CELF4: variants seen among roughly 807,000 people sequenced by gnomAD.
CELF4 encodes CUGBP Elav-like family member 4.
Under a neutral mutation model 59.9 loss-of-function variants are expected in CELF4, and 18 were observed. The observed-to-expected ratio is 0.30, with a 90% confidence interval of 0.21 to 0.45. The LOEUF is 0.45. Ranked by LOEUF, CELF4 falls within the 20% of genes least tolerant of loss-of-function variation. CELF4 has a pLI of 1.00. For missense variants in CELF4, 456 were observed against 689.0 expected (o/e 0.66, Z 3.79); for synonymous variants, 261 against 267.1 (o/e 0.98, Z 0.22).
At chr18:37,299,509 C>T (rs76762308) in intron 3 of CELF4, among the ~76,000 whole-genome samples, 2,784 of 152,052 alleles carry the variant, frequency 0.018, 92 homozygotes, top group African/African-American at 0.064. Flanking sequence ...CTCAGAATGT[C>T]GGGCTCACAG....
chr18:37,321,639 C>T (rs1380941158), intron 3 of CELF4, among the ~76,000 whole-genome samples, 164 bp downstream of exon 3: 3 of 152,204 alleles, frequency 2.0e-5, no homozygotes, highest in Non-Finnish European at 4.4e-5. Context: ...TCTCTCCACA[C>T]CAGTCACCCA....
intron 2 of CELF4, among the ~76,000 whole-genome samples, chr18:37,451,687 C>T (rs2099764523): frequency 6.6e-6 from 1 of 152,136 alleles, no homozygotes; most frequent in African/African-American, 2.4e-5. Flanking sequence ...TCCGGGAGGG[C>T]AGTCGTACTT....
At chr18:37,552,436 T>C (rs544249711) in intron 1 of CELF4, among the ~76,000 whole-genome samples, 1 of 152,270 alleles carries the variant, frequency 6.6e-6, no homozygotes, top group Non-Finnish European at 1.5e-5. Context: ...AGGGTGAGTG[T>C]CGAGAGGGGT....
chr18:37,549,329 G>T (rs2099982420), intron 1 of CELF4, among the ~76,000 whole-genome samples: 1 of 152,306 alleles, frequency 6.6e-6, no homozygotes, highest in East Asian at 1.9e-4. Context: ...CTTGGAAGGG[G>T]TGCACTCACT....
intron 2 of CELF4, among the ~76,000 whole-genome samples, chr18:37,349,579 T>C (rs1401351885): frequency 6.6e-6 from 1 of 152,182 alleles, no homozygotes. Flanking sequence ...TTATTGTGCA[T>C]GAAGGACAGG....
At chr18:37,400,004 T>C (rs1363959891) in intron 2 of CELF4, among the ~76,000 whole-genome samples, 1 of 152,222 alleles carries the variant, frequency 6.6e-6, no homozygotes, top group East Asian at 1.9e-4. Context: ...GTTGGTTTTA[T>C]GTATTACCTT....
rs541730497 is a variant in CELF4, at chr18:37,268,856, T to C, written c.1099+1912A>G. ...CCGCATTTAAAGATGGTAAATTAAT[T>C]TTTTTAATGTACTACTTTTTTCCTT... On this transcript the variant is annotated intron_variant, in intron 8 of 12. Transcript: ENST00000420428. Among the ~76,000 whole-genome samples, 7 of 152,358 alleles carry C rather than the reference T, an allele frequency of 4.6e-5. No homozygotes were observed. The South Asian group carries it at 1.0e-3, about 23-fold the overall frequency.
At position 37,565,617 on chromosome 18, in the gene CELF4, C is replaced by G; in HGVS notation, c.25G>C (p.Ala9Pro). The G allele has an allele frequency of 6.2e-7, 1 of 1,603,348 alleles. No homozygotes were observed. The highest frequency in any genetic ancestry group is 8.5e-7 in the Non-Finnish European group (1 of 1,173,654). Residue 9 changes from alanine to proline, a missense_variant, in exon 1 of 13, where the codon GCA becomes CCA. By Grantham distance (27) the Ala-to-Pro change is conservative. Transcript: ENST00000420428. The stretch of plus-strand genomic sequence containing the variant: ...CTTGCGTTGTCAGCCTGTCCGTTTG[C>G]TAACGTGGCCATCTTTATATACATA... MYIKMATL[A>P]NGQADNASLS...
intron 1 of CELF4, among the ~76,000 whole-genome samples, chr18:37,550,498 T>A (rs2099982844): frequency 6.6e-6 from 1 of 152,236 alleles, no homozygotes; most frequent in Non-Finnish European, 1.5e-5. Flanking sequence ...AAGCTGAAAC[T>A]TTCCCAGAGT....
In CELF4 at chr18:37,259,289, G is replaced by A. The variant is rs558199009; in HGVS notation, c.1250-25C>T. 1.2e-5 allele frequency: 11 copies of A among 888,572 alleles called. 1 individual carries two copies. The highest frequency in any genetic ancestry group is 5.3e-5 in the East Asian group (2 of 37,684). The allele number at this position is 888,572 out of a possible 1,614,324, so 55.0% of individuals were successfully genotyped here. ...CCTGCGGTGAGGGGAGGGGGTGGGC[G>A]GGGGAGGAGGGATGGCAGGGTGGGG... On this transcript the variant is annotated intron_variant, in intron 10 of 12. Coordinates refer to ENST00000420428, the MANE Select transcript of CELF4 (RefSeq NM_020180.4).
intron 3 of CELF4, chr18:37,306,322 C>T (rs1247886895): frequency 6.6e-6 from 1 of 152,346 alleles, no homozygotes; most frequent in East Asian, 1.9e-4. Context: ...TGGACTCTGT[C>T]ACTCCCCTCC....
intron 2 of CELF4, among the ~76,000 whole-genome samples, chr18:37,337,076 A>G (rs985440332): frequency 2.6e-5 from 4 of 151,708 alleles, no homozygotes; most frequent in East Asian, 2.0e-4. Flanking sequence ...TCCATGCTAC[A>G]TCCTTTCTGC....
At chr18:37,469,853 A>G (rs1259470032) in intron 2 of CELF4, among the ~76,000 whole-genome samples, 4 of 152,164 alleles carry the variant, frequency 2.6e-5, no homozygotes, top group Non-Finnish European at 5.9e-5. Flanking sequence ...GGCACGGTGC[A>G]GGCTGGAGCA....
intron 3 of CELF4, among the ~76,000 whole-genome samples, chr18:37,321,108 A>G (rs1569561823): frequency 6.6e-6 from 1 of 152,108 alleles, no homozygotes; most frequent in Non-Finnish European, 1.5e-5. Flanking sequence ...ACAGACACAC[A>G]GGCACTGTGC....
intron 2 of CELF4, among the ~76,000 whole-genome samples, chr18:37,394,794 C>A (rs1016313895): frequency 2.6e-4 from 40 of 152,154 alleles, no homozygotes; most frequent in Non-Finnish European, 4.4e-4. Flanking sequence ...CCACTCCCCC[C>A]AGACCAGGGC....
At chr18:37,443,416 T>C (rs2099738715) in intron 2 of CELF4, among the ~76,000 whole-genome samples, 1 of 152,046 alleles carries the variant, frequency 6.6e-6, no homozygotes, top group Non-Finnish European at 1.5e-5. Flanking sequence ...TCCCTCTGCA[T>C]AAAGGCCCTG....
Position 37,353,135 on chromosome 18 carries a change from T to G in CELF4, c.370-31254A>C, listed in dbSNP as rs568243597. On this transcript the variant is annotated intron_variant, in intron 2 of 12. Transcript: ENST00000420428. Reference sequence around the variant, plus strand: ...ACTTGGGAGGCTGAGGCAGGAGAATTGCTTGAACCCGGGAGGCGGAAGTTG... The same window carrying G: ...ACTTGGGAGGCTGAGGCAGGAGAATGGCTTGAACCCGGGAGGCGGAAGTTG... Among the ~76,000 whole-genome samples, 368 of 150,236 alleles carry G rather than the reference T, an allele frequency of 2.4e-3. 3 individuals carry two copies. Among genetic ancestry groups the G allele is most frequent in the Middle Eastern group, 7.0e-3 (2 of 284 alleles).
chr18:37,520,334 C>T (rs1224443090), intron 1 of CELF4, among the ~76,000 whole-genome samples: 4 of 152,120 alleles, frequency 2.6e-5, no homozygotes, highest in Admixed American at 6.5e-5. Flanking sequence ...TTCCAGAGAG[C>T]GGTCCCAGGA....
At chr18:37,406,686 G>A (rs1021339091) in intron 2 of CELF4, among the ~76,000 whole-genome samples, 3 of 152,170 alleles carry the variant, frequency 2.0e-5, no homozygotes, top group Non-Finnish European at 4.4e-5. Context: ...TGTGGGCCAG[G>A]GTTGAAGAAA....
Sources: gnomAD v4.1 joint callset for allele counts (sites outside exome capture counted in the v4.1 genomes callset) on GRCh38, gnomAD v4.1.1 for gene constraint, MANE v1.5 for transcripts, NCBI Gene and HGNC (gene_info 2026-07-23, HGNC 2026-07-21) for gene names.